Variants in USH2A observed in about 807,000 individuals in gnomAD.
USH2A encodes the protein Usher syndrome 2A (autosomal recessive, mild).
USH2A carries 443 observed loss-of-function variants against 538.9 expected under a neutral mutation model. That is an observed-to-expected ratio of 0.82 (90% CI 0.76 to 0.89). USH2A has a LOEUF of 0.89. USH2A is among the 40% of genes least tolerant of loss of function. The pLI is 0.00. For missense variants in USH2A, 6,633 were observed against 6,324.8 expected, an observed-to-expected ratio of 1.05 and a Z score of -1.65; for synonymous variants, 2,413 against 2,273.5, an observed-to-expected ratio of 1.06 and a Z score of -1.75.
At chr1:215,980,531 AAT>A (rs1667726093) in intron 35 of USH2A, among the ~76,000 whole-genome samples, 1 of 152,156 alleles carries the variant, frequency 6.6e-6, no homozygotes, top group South Asian at 2.1e-4. Context: ...ACGTTGAAAA[AAT>A]AGAATGTTGC....
rs71639580 is a variant in USH2A at position 215,749,052 on chromosome 1, T to G, written c.11390-5717A>C. Among the ~76,000 whole-genome samples the G allele has an allele frequency of 7.9e-5, 12 of 152,368 alleles. No homozygotes were observed. The East Asian group carries it at 2.1e-3, about 27-fold the overall frequency. On this transcript the variant is annotated intron_variant, in intron 58 of 71. Coordinates refer to ENST00000307340, the MANE Select transcript of USH2A (RefSeq NM_206933.4). ...TTAATGTCTTTGTAACACTATTTTG[T>G]TATCTAGTTTTATTTTTTATGTGTA...
chr1:216,048,740 AG>A lies in USH2A; in HGVS notation c.6050-94del. The A allele has an allele frequency of 4.7e-6, 5 of 1,062,738 alleles. No individual in the cohort carries two copies. The South Asian group carries it at 5.0e-5, about 11-fold the overall frequency. 65.8% of individuals were successfully genotyped at this position (1,062,738 alleles called of 1,614,324 possible). On this transcript the variant is annotated intron_variant, in intron 30 of 71. Transcript: ENST00000307340. ...ATATCTGTGTGTGTGTCTATAAGAG[AG>A]AGAGACAAAAACAAAGAGACCAGAG...
intron 61 of USH2A, among the ~76,000 whole-genome samples, chr1:215,685,006 TA>T (rs1346798158): frequency 6.6e-6 from 1 of 152,104 alleles, no homozygotes; most frequent in African/African-American, 2.4e-5. Context: ...TATTTTGTCT[TA>T]ATGATAAGGA....
intron 38 of USH2A, among the ~76,000 whole-genome samples, chr1:215,932,555 T>C (rs780663405): frequency 5.3e-5 from 8 of 152,074 alleles, no homozygotes; most frequent in Admixed American, 2.0e-4. Context: ...TTTAAAGCTA[T>C]ACGTTTCCTA....
chr1:216,271,980 C>T (rs754289573), intron 11 of USH2A, among the ~76,000 whole-genome samples: 50 of 151,964 alleles, frequency 3.3e-4, no homozygotes, highest in Non-Finnish European at 5.7e-4. Flanking sequence ...TCTTTTAGTG[C>T]TTTGTTAGGT....
rs2102549113 is a variant in USH2A, at chr1:216,073,227, A to G, written c.5646T>C (p.Gly1882=). ...ATCCATCCAGATTGACTCTGACAGC[A>G]CCGCTGGACACAGATGCCAAGTTAA... ...AVVNLASVSS[G]AVRVNLDGCL... Residue 1882 remains glycine (G), a synonymous_variant, in exon 28 of 72, where the codon GGT becomes GGC. Coordinates refer to ENST00000307340, the MANE Select transcript of USH2A (RefSeq NM_206933.4). 1 of 1,613,900 alleles carries G rather than the reference A, an allele frequency of 6.2e-7. No individual in the cohort carries two copies. Among genetic ancestry groups the G allele is most frequent in the Non-Finnish European group, 8.5e-7 (1 of 1,179,958 alleles).
At chr1:216,191,484 A>C (rs1319605264) in intron 19 of USH2A, among the ~76,000 whole-genome samples, 1 of 152,016 alleles carries the variant, frequency 6.6e-6, no homozygotes. Flanking sequence ...GGTGTTTTTA[A>C]AGATTCTAAA....
At chr1:215,723,520 C>G (rs1434265316) in intron 61 of USH2A, among the ~76,000 whole-genome samples, 1 of 152,140 alleles carries the variant, frequency 6.6e-6, no homozygotes, top group Non-Finnish European at 1.5e-5. Flanking sequence ...TATTGATGGC[C>G]CCTTGGGCAG....
intron 20 of USH2A, among the ~76,000 whole-genome samples, chr1:216,185,758 T>G (rs920223790): frequency 6.6e-6 from 1 of 151,978 alleles, no homozygotes; most frequent in Non-Finnish European, 1.5e-5. Context: ...TTATTATAGG[T>G]CTGCAGTGTA....
chr1:215,741,441 C>G lies in USH2A; in HGVS notation c.11645G>C (p.Cys3882Ser). 1 of 1,613,820 alleles carries G rather than the reference C, an allele frequency of 6.2e-7. No individual in the cohort carries two copies. The highest frequency in any genetic ancestry group is 8.5e-7 in the Non-Finnish European group (1 of 1,179,930). Residue 3882 changes from cysteine (C) to serine (S), a missense_variant, in exon 60 of 72, where the codon TGC becomes TCC. Coordinates refer to ENST00000307340, the MANE Select transcript of USH2A (RefSeq NM_206933.4). ...AGGTGGCATCCACTTAATCTCTATG[C>G]AAGCTGACCCCAGTGCCTTAAGAAC... Reference protein sequence around the residue: ...SPVLKALGSACIEIKWMPPEK... With the variant: ...SPVLKALGSASIEIKWMPPEK...
At chr1:215,993,509 A>AACACACACAC (rs66804361) in intron 34 of USH2A, among the ~76,000 whole-genome samples, 3,480 of 146,428 alleles carry the variant, frequency 0.024, 61 homozygotes, top group African/African-American at 0.045. Flanking sequence ...GAGTGAATTA[A>AACACACACAC]ACACACACAC....
chr1:216,233,113 T>C (rs570998172), intron 13 of USH2A, among the ~76,000 whole-genome samples: 72 of 152,240 alleles, frequency 4.7e-4, no homozygotes, highest in African/African-American at 1.6e-3. Flanking sequence ...AACTGATGAC[T>C]TCCTATTCCC....
At chr1:216,164,197 G>A (rs1050708141) in intron 21 of USH2A, among the ~76,000 whole-genome samples, 15 of 152,094 alleles carry the variant, frequency 9.9e-5, no homozygotes, top group African/African-American at 3.4e-4. Flanking sequence ...AACCGAATGA[G>A]TGATTGAACT....
At chr1:216,377,165 A>G (rs1384099340) in intron 3 of USH2A, among the ~76,000 whole-genome samples, 1 of 152,218 alleles carries the variant, frequency 6.6e-6, no homozygotes, top group African/African-American at 2.4e-5. Context: ...AAGCTCCTTC[A>G]GAGAACTGTA....
intron 17 of USH2A, among the ~76,000 whole-genome samples, chr1:216,199,247 T>C (rs1255264789): frequency 6.6e-6 from 1 of 152,210 alleles, no homozygotes; most frequent in Non-Finnish European, 1.5e-5. Flanking sequence ...TCATTTTATA[T>C]CTTTTTCTTG....
intron 20 of USH2A, among the ~76,000 whole-genome samples, chr1:216,185,045 A>G (rs750764725): frequency 6.6e-6 from 1 of 151,940 alleles, no homozygotes; most frequent in Admixed American, 6.6e-5. Context: ...ATGGGTGGAA[A>G]TGCACAAATT....
chr1:216,228,129 T>A (rs1447526117), intron 14 of USH2A, among the ~76,000 whole-genome samples: 1 of 152,074 alleles, frequency 6.6e-6, no homozygotes, highest in Non-Finnish European at 1.5e-5. Context: ...GAATTGGAAT[T>A]GGAAAGATGT....
At chr1:215,687,060 C>T (rs1346917089) in intron 61 of USH2A, among the ~76,000 whole-genome samples, 1 of 152,030 alleles carries the variant, frequency 6.6e-6, no homozygotes, top group Admixed American at 6.6e-5. Flanking sequence ...ACACCCTTGT[C>T]CCAGCCCCTT....
At position 216,422,245 on chromosome 1, in the gene USH2A, G is replaced by A. The variant is rs750745352; in HGVS notation, c.92C>T (p.Thr31Ile). 2.5e-6 allele frequency: 4 copies of A among 1,613,584 alleles called. No homozygotes were observed. Among genetic ancestry groups the A allele is most frequent in the Non-Finnish European group, 3.4e-6 (4 of 1,179,802 alleles). Residue 31 changes from threonine (T) to isoleucine (I), a missense_variant, in exon 2 of 72, where the codon ACT (threonine) becomes ATT (isoleucine). Physicochemically the swap from Thr to Ile is moderately conservative, Grantham distance 89. Transcript: ENST00000307340. ...IFAYFASISL[T>I]ESRGLFPRLE... ...CCTTGGGAAAAGACCTCGTGACTCAGTCAAGGATATTGAAGCAAAATAGGC... is the reference window on the plus strand; with the variant it reads ...CCTTGGGAAAAGACCTCGTGACTCAATCAAGGATATTGAAGCAAAATAGGC...
Sources: gnomAD v4.1 joint callset for allele counts (sites outside exome capture counted in the v4.1 genomes callset) on GRCh38, gnomAD v4.1.1 for gene constraint, MANE v1.5 for transcripts, NCBI Gene and HGNC (gene_info 2026-07-23, HGNC 2026-07-21) for gene names.